Variants in INTS9 observed in about 807,000 individuals in gnomAD.
The protein encoded by INTS9 is protein related to CPSF subunits of 74 kDa.
Under a neutral mutation model 79.7 loss-of-function variants are expected in INTS9, and 55 were observed. That is an observed-to-expected ratio of 0.69 (90% confidence interval 0.56 to 0.86). INTS9 has a LOEUF of 0.86. Ranked by LOEUF, INTS9 falls within the 40% of genes least tolerant of loss-of-function variation. The pLI, the probability that INTS9 is intolerant of heterozygous loss-of-function variation, is 0.00. For synonymous variants in INTS9, 319 were observed against 325.2 expected, an observed-to-expected ratio of 0.98 and a Z score of 0.20; for missense variants, 721 against 831.5, an observed-to-expected ratio of 0.87 and a Z score of 1.64.
At chr8:28,862,813 T>G (rs1285160244) in intron 1 of INTS9, among the ~76,000 whole-genome samples, 2 of 152,216 alleles carry the variant, frequency 1.3e-5, no homozygotes, top group Non-Finnish European at 2.9e-5. Flanking sequence ...GAAAGTTAAC[T>G]ATTTGATAAG....
intron 8 of INTS9, among the ~76,000 whole-genome samples, chr8:28,806,718 C>T (rs1297140121): frequency 6.6e-6 from 1 of 152,094 alleles, no homozygotes; most frequent in Non-Finnish European, 1.5e-5. Flanking sequence ...TCCTCTAATC[C>T]TATGTCTAAT....
chr8:28,781,752 G>T (rs11995004), intron 11 of INTS9, among the ~76,000 whole-genome samples: 3,287 of 152,244 alleles, frequency 0.022, 114 homozygotes, highest in African/African-American at 0.074. Context: ...ATAGTAAAAG[G>T]CTCAGCGGTC....
At chr8:28,797,489 A>T (rs241169) in intron 8 of INTS9, among the ~76,000 whole-genome samples, 59,665 of 151,934 alleles carry the variant, frequency 0.39, 12,919 homozygotes, top group Non-Finnish European at 0.49. Flanking sequence ...AGTAAGTCTC[A>T]CAGGTTAACA....
intron 10 of INTS9, among the ~76,000 whole-genome samples, chr8:28,793,191 G>A (rs1804015348): frequency 6.6e-6 from 1 of 152,168 alleles, no homozygotes; most frequent in Non-Finnish European, 1.5e-5. Flanking sequence ...GTCCCGGAAC[G>A]TTTGGGAAGC....
chr8:28,817,476 G>C (rs376771768), intron 6 of INTS9, among the ~76,000 whole-genome samples: 3 of 152,028 alleles, frequency 2.0e-5, no homozygotes, highest in Non-Finnish European at 2.9e-5. Flanking sequence ...GATATGTGGC[G>C]TTATTTCTGA....
intron 16 of INTS9, 115 bp from the exon 17 acceptor site, chr8:28,768,437 A>G (rs988460430): frequency 1.1e-5 from 10 of 948,274 alleles, no homozygotes; most frequent in South Asian, 7.9e-5. Flanking sequence ...TCTCAACACA[A>G]TTCTTCAGAC....
chr8:28,848,979 T>G (rs1309807723), intron 3 of INTS9, among the ~76,000 whole-genome samples: 1 of 152,218 alleles, frequency 6.6e-6, no homozygotes, highest in Non-Finnish European at 1.5e-5. Context: ...GAATGTCACA[T>G]AATTTTACAG....
Position 28,787,869 on chromosome 8 carries a change from C to T in INTS9, c.1058G>A (p.Ser353Asn), listed in dbSNP as rs1803703325. The change falls in exon 11 of 17, where the codon AGT becomes AAT. Residue 353 changes from serine (S) to asparagine (N), a missense_variant. This residue lies in a region of INTS9 where 149 missense variants were observed against 223.7 expected (regional missense o/e 0.67). Transcript: ENST00000521022. Reference sequence around the variant, plus strand: ...AGGTGGTTCTGGAAGATACACCTTACTCTGTTTGTTGTGACAAAGCCTATT... The same window carrying T: ...AGGTGGTTCTGGAAGATACACCTTATTCTGTTTGTTGTGACAAAGCCTATT... ...FAEWLCHNKQ[S>N]KVYLPEPPFP... 1 of 1,604,954 alleles carries T rather than the reference C, an allele frequency of 6.2e-7. No homozygotes were observed. Among genetic ancestry groups the T allele is most frequent in the Non-Finnish European group, 8.5e-7 (1 of 1,173,102 alleles).
chr8:28,771,118 AATG>A, intron 14 of INTS9, 38 bp from the exon 15 acceptor site: 1 of 1,301,614 alleles, frequency 7.7e-7, no homozygotes, highest in Non-Finnish European at 1.1e-6. Flanking sequence ...GGGGGCCTTT[AATG>A]ATGACCATTA....
intron 1 of INTS9, among the ~76,000 whole-genome samples, chr8:28,875,396 T>C (rs1809327148): frequency 6.6e-6 from 1 of 152,212 alleles, no homozygotes; most frequent in South Asian, 2.1e-4. Flanking sequence ...CACATAACAC[T>C]CCTTCTTGAA....
chr8:28,773,607 A>G (rs1386101096), intron 14 of INTS9, among the ~76,000 whole-genome samples: 1 of 148,794 alleles, frequency 6.7e-6, no homozygotes, highest in East Asian at 2.1e-4. Flanking sequence ...GCTGGAGTGC[A>G]GTGGCGCGAT....
intron 11 of INTS9, among the ~76,000 whole-genome samples, chr8:28,786,936 C>T (rs1167998248): frequency 1.3e-5 from 2 of 152,060 alleles, no homozygotes; most frequent in African/African-American, 4.8e-5. Flanking sequence ...CCAGGATGGT[C>T]TCGATCTCCT....
chr8:28,808,517 C>T (rs1262691021), intron 8 of INTS9, among the ~76,000 whole-genome samples: 1 of 152,118 alleles, frequency 6.6e-6, no homozygotes, highest in African/African-American at 2.4e-5. Context: ...TCCAGTTTGT[C>T]TCCAGACTTG....
intron 1 of INTS9, among the ~76,000 whole-genome samples, chr8:28,882,454 T>G (rs1414843983): frequency 3.6e-5 from 2 of 54,958 alleles, no homozygotes; most frequent in Admixed American, 2.0e-4. Flanking sequence ...CCAAGAATGA[T>G]CAATAAAAAA....
At chr8:28,817,540 C>T (rs1180235674) in intron 6 of INTS9, among the ~76,000 whole-genome samples, 1 of 152,158 alleles carries the variant, frequency 6.6e-6, no homozygotes, top group Non-Finnish European at 1.5e-5. Context: ...CAGTAACATG[C>T]TGTTTTGGTT....
chr8:28,777,847 C>T lies in INTS9; in HGVS notation c.1377G>A (p.Lys459=), dbSNP rs1224921366. Residue 459 remains lysine (K), a synonymous_variant, in exon 13 of 17, where the codon AAG becomes AAA. Coordinates refer to ENST00000521022, the MANE Select transcript of INTS9 (RefSeq NM_018250.4). ...DTRLNFIQVS[K]LLKEVQPLHV... ...TCATTACCTGCACTTCTTTAAGCAG[C>T]TTTGACACCTGGATGAAGTTCAGCC... 1 of 1,609,938 alleles carries T rather than the reference C, an allele frequency of 6.2e-7. No homozygotes were observed. The highest frequency in any genetic ancestry group is 2.2e-5 in the East Asian group (1 of 44,554).
chr8:28,782,152 G>A (rs1020173021), intron 11 of INTS9, among the ~76,000 whole-genome samples: 5 of 152,244 alleles, frequency 3.3e-5, no homozygotes, highest in African/African-American at 1.2e-4. Flanking sequence ...ACATGGGCAA[G>A]TCAAGTCTTT....
intron 6 of INTS9, among the ~76,000 whole-genome samples, chr8:28,815,654 T>C (rs751295843): frequency 1.6e-4 from 25 of 152,110 alleles, no homozygotes; most frequent in Non-Finnish European, 2.8e-4. Context: ...CAACCTGTAA[T>C]AGAAACACAA....
intron 12 of INTS9, among the ~76,000 whole-genome samples, chr8:28,780,053 G>T (rs76545855): frequency 0.48 from 66,364 of 136,974 alleles, 17,986 homozygotes; most frequent in Non-Finnish European, 0.59. Flanking sequence ...TCAAATCAAG[G>T]TTTTTTTTTT....
Sources: gnomAD v4.1 joint callset for allele counts (sites outside exome capture counted in the v4.1 genomes callset) on GRCh38, gnomAD v4.1.1 for gene constraint, gnomAD v4.1.1 regional missense constraint, MANE v1.5 for transcripts, NCBI Gene and HGNC (gene_info 2026-07-23, HGNC 2026-07-21) for gene names.